Variants in NCKAP5 observed in about 807,000 individuals in gnomAD.
The protein encoded by NCKAP5 is nck-associated protein 5.
A neutral mutation model predicts 167.0 loss-of-function variants in NCKAP5; 92 were observed. The observed-to-expected ratio is 0.55, with a 90% CI of 0.47 to 0.66. The LOEUF (loss-of-function observed/expected upper bound fraction) is 0.66. Ranked by LOEUF, NCKAP5 falls within the 30% of genes least tolerant of loss-of-function variation. The pLI is 0.00. For synonymous variants in NCKAP5, 891 were observed against 877.4 expected (o/e 1.02, Z -0.27); for missense variants, 2,378 against 2,315.0 (o/e 1.03, Z -0.56).
At chr2:132,960,219 T>G (rs968150999) in intron 8 of NCKAP5, among the ~76,000 whole-genome samples, 2 of 152,196 alleles carry the variant, frequency 1.3e-5, no homozygotes, top group Non-Finnish European at 2.9e-5. Context: ...AAGGTCTTAA[T>G]TAGCACAATA....
intron 2 of NCKAP5, among the ~76,000 whole-genome samples, chr2:133,518,344 A>ATTTTTTTTTTTTTTTTTTTT (rs751025050): frequency 2.7e-5 from 2 of 74,616 alleles, no homozygotes; most frequent in African/African-American, 9.6e-5. Context: ...ACAGTAAAGG[A>ATTTTTTTTTTTTTTTTTTTT]TTTTTTTTTT....
At chr2:133,323,750 G>C (rs150127186) in intron 3 of NCKAP5, among the ~76,000 whole-genome samples, 22 of 152,324 alleles carry the variant, frequency 1.4e-4, no homozygotes, top group African/African-American at 5.1e-4. Context: ...ATCTGACAGA[G>C]AGGTAAATTG....
chr2:133,557,037 T>C (rs577464837), intron 2 of NCKAP5, among the ~76,000 whole-genome samples: 46 of 152,242 alleles, frequency 3.0e-4, no homozygotes, highest in African/African-American at 9.9e-4. Flanking sequence ...CAATAGAGGG[T>C]AAAATAAATG....
At chr2:133,279,214 T>C (rs1461223674) in intron 4 of NCKAP5, among the ~76,000 whole-genome samples, 1 of 152,242 alleles carries the variant, frequency 6.6e-6, no homozygotes, top group African/African-American at 2.4e-5. Flanking sequence ...ACTTTGTTTA[T>C]TGCCGCACTA....
intron 3 of NCKAP5, among the ~76,000 whole-genome samples, chr2:133,401,301 G>C (rs1429700617): frequency 1.3e-5 from 2 of 152,186 alleles, no homozygotes; most frequent in Admixed American, 6.5e-5. Context: ...CCATTTGGCT[G>C]TTTCAAACTT....
chr2:133,482,808 A>AT (rs895115526), intron 3 of NCKAP5, among the ~76,000 whole-genome samples: 26 of 150,988 alleles, frequency 1.7e-4, no homozygotes, highest in Non-Finnish European at 2.2e-4. Flanking sequence ...AACATCTGTT[A>AT]TTTTTTTTTC....
chr2:132,845,565 T>A (rs910890753), intron 11 of NCKAP5, among the ~76,000 whole-genome samples: 3 of 152,190 alleles, frequency 2.0e-5, no homozygotes, highest in Non-Finnish European at 4.4e-5. Context: ...ACTGCTACTA[T>A]TATTGTAAAA....
chr2:133,446,479 C>A (rs1033091140), intron 3 of NCKAP5, among the ~76,000 whole-genome samples: 1 of 152,170 alleles, frequency 6.6e-6, no homozygotes, highest in South Asian at 2.1e-4. Context: ...GGTAATATGG[C>A]ACCTACTTTA....
At chr2:132,876,666 A>G (rs146777692) in intron 9 of NCKAP5, among the ~76,000 whole-genome samples, 1 of 152,238 alleles carries the variant, frequency 6.6e-6, no homozygotes, top group Non-Finnish European at 1.5e-5. Context: ...TCATGAATAC[A>G]AAATATGTGT....
chr2:133,405,347 A>G (rs1688357740), intron 3 of NCKAP5, among the ~76,000 whole-genome samples: 1 of 152,250 alleles, frequency 6.6e-6, no homozygotes, highest in Non-Finnish European at 1.5e-5. Context: ...TACATAAGGC[A>G]CATCACAGCC....
intron 3 of NCKAP5, among the ~76,000 whole-genome samples, chr2:133,475,772 C>T (rs912212517): frequency 2.6e-5 from 4 of 152,152 alleles, no homozygotes; most frequent in African/African-American, 9.7e-5. Flanking sequence ...TTATTTTAAC[C>T]TGTCTTTCAA....
chr2:132,903,467 C>CT (rs1443303831), intron 8 of NCKAP5, among the ~76,000 whole-genome samples: 2 of 152,184 alleles, frequency 1.3e-5, no homozygotes, highest in African/African-American at 2.4e-5. Flanking sequence ...AGGCCCGTGT[C>CT]TGATAGTCAC....
chr2:133,391,296 C>T (rs1373334949), intron 3 of NCKAP5: 7 of 159,492 alleles, frequency 4.4e-5, no homozygotes, highest in Admixed American at 1.3e-4. Flanking sequence ...GCACATGGAG[C>T]GGTGAGGGAG....
chr2:133,181,603 C>CAAAAAAAAAAAAAAAAAAAAAAAAAAAA (rs34264277), intron 5 of NCKAP5, among the ~76,000 whole-genome samples: 2 of 71,158 alleles, frequency 2.8e-5, no homozygotes, highest in African/African-American at 1.2e-4. Context: ...CCCATCTCTA[C>CAAAAAAAAAAAAAAAAAAAAAAAAAAAA]AAAAAAAAAA....
At chr2:133,639,745 C>T in the NCKAP5 span, among the ~76,000 whole-genome samples, 1 of 152,156 alleles carries the variant, frequency 6.6e-6, no homozygotes, top group Non-Finnish European at 1.5e-5. Context: ...AAAGGCTGTG[C>T]AGACCATCCA....
At chr2:132,698,448 T>G (rs970756768) in intron 19 of NCKAP5, among the ~76,000 whole-genome samples, 1 of 152,178 alleles carries the variant, frequency 6.6e-6, no homozygotes, top group African/African-American at 2.4e-5. Flanking sequence ...TCAGTTTTAT[T>G]ATATTTAGTA....
intron 3 of NCKAP5, among the ~76,000 whole-genome samples, chr2:133,367,352 C>T (rs1685518529): frequency 6.6e-6 from 1 of 152,112 alleles, no homozygotes; most frequent in Admixed American, 6.5e-5. Context: ...GCTTCCCCTC[C>T]AGTGAGAGTG....
intron 10 of NCKAP5, among the ~76,000 whole-genome samples, chr2:132,864,640 TGAA>T (rs1288736986): frequency 6.6e-6 from 1 of 152,252 alleles, no homozygotes; most frequent in Non-Finnish European, 1.5e-5. Context: ...CTTTATGTAT[TGAA>T]GAGTAAAATT....
the NCKAP5 span, among the ~76,000 whole-genome samples, chr2:133,664,463 T>C: frequency 1.7e-4 from 26 of 152,296 alleles, no homozygotes; most frequent in East Asian, 3.9e-3. Context: ...CTTCTTCCAA[T>C]ATAAGGCTAT....
Sources: gnomAD v4.1 joint callset for allele counts (sites outside exome capture counted in the v4.1 genomes callset) on GRCh38, gnomAD v4.1.1 for gene constraint, MANE v1.5 for transcripts, NCBI Gene and HGNC (gene_info 2026-07-23, HGNC 2026-07-21) for gene names.